Variants in HMGCLL1 observed in about 807,000 individuals in gnomAD.
The protein encoded by HMGCLL1 is 3-hydroxy-3-methylglutaryl-CoA lyase like 1, also known as 3-hydroxymethyl-3-methylglutaryl-CoA lyase, cytoplasmic.
HMGCLL1 carries 36 observed loss-of-function variants against 39.1 expected under a neutral mutation model. That is an observed-to-expected ratio of 0.92 (90% CI 0.71 to 1.22). HMGCLL1 has a LOEUF of 1.22. Among genes scored for constraint, HMGCLL1 ranks in the 50% most tolerant of loss-of-function variants. HMGCLL1 has a pLI of 0.00. For synonymous variants in HMGCLL1, 149 were observed against 144.0 expected (o/e 1.03, Z -0.25); for missense variants, 451 against 416.5 (o/e 1.08, Z -0.72).
At chr6:55,539,543 C>T (rs1001277552) in intron 3 of HMGCLL1, among the ~76,000 whole-genome samples, 18 of 151,836 alleles carry the variant, frequency 1.2e-4, no homozygotes, top group East Asian at 1.2e-3. Context: ...TGCAAGGATA[C>T]GGATGAAGCT....
chr6:55,468,035 C>A (rs1359328742), intron 7 of HMGCLL1, among the ~76,000 whole-genome samples: 1 of 151,834 alleles, frequency 6.6e-6, no homozygotes, highest in African/African-American at 2.4e-5. Flanking sequence ...TGTGTGAAGG[C>A]CCCCAGTCCA....
the HMGCLL1 span, among the ~76,000 whole-genome samples, chr6:55,613,805 T>G: frequency 6.6e-6 from 1 of 151,808 alleles, no homozygotes; most frequent in Non-Finnish European, 1.5e-5. Flanking sequence ...GAGTATTGGG[T>G]CAAATAGTTA....
chr6:55,539,713 G>A (rs866700475), intron 3 of HMGCLL1, among the ~76,000 whole-genome samples: 1 of 151,082 alleles, frequency 6.6e-6, no homozygotes, highest in African/African-American at 2.4e-5. Flanking sequence ...GAGTTGAGGG[G>A]GGGAGGAGGA....
upstream of HMGCLL1, among the ~76,000 whole-genome samples, chr6:55,582,054 A>G (rs1285383874): frequency 6.6e-6 from 1 of 152,128 alleles, no homozygotes; most frequent in Non-Finnish European, 1.5e-5. Flanking sequence ...TCTTTTGCTA[A>G]GAACTTCTCT....
At chr6:55,602,904 T>A in the HMGCLL1 span, among the ~76,000 whole-genome samples, 2 of 152,246 alleles carry the variant, frequency 1.3e-5, no homozygotes, top group South Asian at 4.1e-4. Flanking sequence ...ACAATGGTTA[T>A]CATCTTAAGA....
the HMGCLL1 span, among the ~76,000 whole-genome samples, chr6:55,662,459 A>G: frequency 6.6e-6 from 1 of 151,384 alleles, no homozygotes; most frequent in Non-Finnish European, 1.5e-5. Context: ...TCTTGTTTTT[A>G]GTTTTAGTAT....
At chr6:55,652,417 G>A in the HMGCLL1 span, among the ~76,000 whole-genome samples, 1 of 151,896 alleles carries the variant, frequency 6.6e-6, no homozygotes, top group Non-Finnish European at 1.5e-5. Flanking sequence ...TGAAAACTCT[G>A]CATTTACATA....
the HMGCLL1 span, among the ~76,000 whole-genome samples, chr6:55,594,770 A>G: frequency 6.6e-6 from 1 of 152,108 alleles, no homozygotes; most frequent in Non-Finnish European, 1.5e-5. Flanking sequence ...TTGTCCCATG[A>G]CCTGTGCCTA....
At chr6:55,494,020 G>C (rs1014283010) in intron 7 of HMGCLL1, among the ~76,000 whole-genome samples, 5 of 152,066 alleles carry the variant, frequency 3.3e-5, no homozygotes, top group Admixed American at 2.6e-4. Context: ...TTACAGGCGT[G>C]AGCCACCGCG....
chr6:55,569,494 G>T (rs867612856), intron 1 of HMGCLL1, among the ~76,000 whole-genome samples: 11 of 152,278 alleles, frequency 7.2e-5, no homozygotes, highest in Admixed American at 3.3e-4. Flanking sequence ...GGCAAAAATT[G>T]CAGGCTTTAG....
At chr6:55,618,106 A>G in the HMGCLL1 span, among the ~76,000 whole-genome samples, 1 of 152,230 alleles carries the variant, frequency 6.6e-6, no homozygotes, top group East Asian at 1.9e-4. Context: ...AGGTGATGAA[A>G]CTATAATATA....
intron 7 of HMGCLL1, among the ~76,000 whole-genome samples, chr6:55,473,348 C>T (rs534781829): frequency 1.5e-3 from 234 of 151,252 alleles, no homozygotes; most frequent in African/African-American, 5.0e-3. Context: ...TGGTTTTAAT[C>T]GATAATTTTA....
intron 7 of HMGCLL1, among the ~76,000 whole-genome samples, chr6:55,457,647 C>T (rs1020688523): frequency 2.6e-5 from 4 of 152,074 alleles, no homozygotes; most frequent in African/African-American, 9.7e-5. Context: ...TCTTTCTTCC[C>T]TTCTTTTTTC....
chr6:55,671,988 A>G, the HMGCLL1 span, among the ~76,000 whole-genome samples: 1 of 151,764 alleles, frequency 6.6e-6, no homozygotes, highest in African/African-American at 2.4e-5. Flanking sequence ...GTGTGTTCAT[A>G]TGCTCCTGAT....
At chr6:55,524,969 A>C (rs1487732209) in intron 3 of HMGCLL1, among the ~76,000 whole-genome samples, 1 of 150,430 alleles carries the variant, frequency 6.6e-6, no homozygotes, top group Non-Finnish European at 1.5e-5. Context: ...CTATTAATTA[A>C]TAGTAATAGT....
the HMGCLL1 span, among the ~76,000 whole-genome samples, chr6:55,614,977 TA>T: frequency 0.017 from 2,541 of 151,842 alleles, 82 homozygotes; most frequent in African/African-American, 0.059. Context: ...CCCATCTCTT[TA>T]AAAAAAAGTT....
At chr6:55,613,085 A>C in the HMGCLL1 span, among the ~76,000 whole-genome samples, 4 of 152,312 alleles carry the variant, frequency 2.6e-5, no homozygotes, top group Middle Eastern at 3.4e-3. Context: ...ATTTACAAGA[A>C]ACATAAACAA....
At chr6:55,447,023 A>T (rs571121145) in intron 7 of HMGCLL1, among the ~76,000 whole-genome samples, 1 of 151,988 alleles carries the variant, frequency 6.6e-6, no homozygotes, top group Non-Finnish European at 1.5e-5. Flanking sequence ...TATAGAATAA[A>T]ATATCAAAAT....
upstream of HMGCLL1, among the ~76,000 whole-genome samples, chr6:55,581,859 C>T (rs1426465897): frequency 6.6e-6 from 1 of 151,812 alleles, no homozygotes; most frequent in African/African-American, 2.4e-5. Flanking sequence ...TACGAACATT[C>T]ACCTCAAATT....
Sources: gnomAD v4.1 joint callset for allele counts (sites outside exome capture counted in the v4.1 genomes callset) on GRCh38, gnomAD v4.1.1 for gene constraint, MANE v1.5 for transcripts, NCBI Gene and HGNC (gene_info 2026-07-23, HGNC 2026-07-21) for gene names.